The following TTC13 variants were observed in gnomAD, a reference collection of about 807,000 sequenced individuals.
TTC13 encodes the protein tetratricopeptide repeat domain 13.
A neutral mutation model predicts 120.0 loss-of-function variants in TTC13; 62 were observed. The ratio of observed to expected loss-of-function variants is 0.52; its 90% CI spans 0.42 to 0.64. The LOEUF is 0.64. Among genes scored for constraint, TTC13 ranks in the 30% least tolerant of loss-of-function variants. TTC13 has a pLI of 0.00. For missense variants in TTC13, 824 were observed against 1,050.2 expected, an observed-to-expected ratio of 0.78 and a Z score of 2.98; for synonymous variants, 384 against 393.5, an observed-to-expected ratio of 0.98 and a Z score of 0.28.
chr1:230,923,952 T>C lies in TTC13; in HGVS notation c.1722-19A>G, dbSNP rs781215199. The C allele has an allele frequency of 1.9e-6, 3 of 1,595,740 alleles. No homozygotes were observed. Among genetic ancestry groups the C allele is most frequent in the East Asian group, 2.2e-5 (1 of 44,684 alleles). The stretch of plus-strand genomic sequence containing the variant: ...AGCAATCCTATAAAACAGAGACCTT[T>C]ATAAAACCAGAAGTGTTCAGAAGCA... On this transcript the variant is annotated intron_variant, in intron 14 of 22. Transcript: ENST00000366661.
At chr1:230,921,312 G>T in intron 16 of TTC13, 109 bp downstream of exon 16, 1 of 624,302 alleles carries the variant, frequency 1.6e-6, no homozygotes, top group South Asian at 2.0e-5. Context: ...AAATTTGATA[G>T]ACCTTGTTTA....
At chr1:230,964,319 C>T (rs1676926506) in intron 1 of TTC13, among the ~76,000 whole-genome samples, 1 of 152,146 alleles carries the variant, frequency 6.6e-6, no homozygotes, top group East Asian at 1.9e-4. Flanking sequence ...AAAGGGTGTG[C>T]ACAAGTTTAA....
intron 8 of TTC13, among the ~76,000 whole-genome samples, chr1:230,935,091 G>C (rs1378787226): frequency 2.0e-5 from 3 of 152,230 alleles, no homozygotes; most frequent in African/African-American, 7.2e-5. Context: ...GTTGGGTAGA[G>C]AGATGAGAAT....
At chr1:230,916,569 G>A (rs1202079762) in intron 17 of TTC13, among the ~76,000 whole-genome samples, 3 of 152,098 alleles carry the variant, frequency 2.0e-5, no homozygotes, top group Non-Finnish European at 4.4e-5. Flanking sequence ...CGTCAACAAG[G>A]GGCACTGCTC....
At chr1:230,926,420 T>C (rs1332555058) in intron 12 of TTC13, among the ~76,000 whole-genome samples, 1 of 152,106 alleles carries the variant, frequency 6.6e-6, no homozygotes, top group Non-Finnish European at 1.5e-5. Context: ...CATTAAAGAC[T>C]CAGTGGCCAG....
chr1:230,943,962 C>A, intron 5 of TTC13, 64 bp from the exon 6 acceptor site: 2 of 1,110,412 alleles, frequency 1.8e-6, no homozygotes, highest in South Asian at 3.0e-5. Flanking sequence ...AAAAAATTTT[C>A]TGAGAAAACT....
At chr1:230,936,270 A>G (rs1228027254) in intron 8 of TTC13, 2 of 456,100 alleles carry the variant, frequency 4.4e-6, no homozygotes, top group East Asian at 6.9e-5. Context: ...TCATTCTGCC[A>G]AAGAGGGGAC....
chr1:230,975,808 G>T (rs1437505868), intron 1 of TTC13, among the ~76,000 whole-genome samples: 1 of 152,142 alleles, frequency 6.6e-6, no homozygotes, highest in African/African-American at 2.4e-5. Context: ...TTCTGCAGTA[G>T]ATCTGGGTGG....
intron 1 of TTC13, among the ~76,000 whole-genome samples, chr1:230,974,019 G>T (rs1678016303): frequency 6.6e-6 from 1 of 151,430 alleles, no homozygotes; most frequent in African/African-American, 2.4e-5. Flanking sequence ...AGAGGTTGCA[G>T]TGAGCCGAGA....
intron 18 of TTC13, 50 bp downstream of exon 18, chr1:230,916,143 C>T (rs1298696000): frequency 7.5e-7 from 1 of 1,337,004 alleles, no homozygotes; most frequent in Non-Finnish European, 1.1e-6. Context: ...AGCACAGGCA[C>T]CCTTCCTGCC....
At chr1:230,932,586 A>T (rs926043751) in intron 9 of TTC13, among the ~76,000 whole-genome samples, 1 of 152,232 alleles carries the variant, frequency 6.6e-6, no homozygotes. Flanking sequence ...TTTTAAAAAT[A>T]TAATTCCTGC....
At chr1:230,960,877 T>C (rs567273017) in intron 2 of TTC13, among the ~76,000 whole-genome samples, 5 of 152,284 alleles carry the variant, frequency 3.3e-5, no homozygotes, top group South Asian at 2.1e-4. Flanking sequence ...ATAGAAAACA[T>C]AGATACAAAA....
intron 22 of TTC13, 49 bp downstream of exon 22, chr1:230,908,663 T>C: frequency 6.6e-7 from 1 of 1,507,508 alleles, no homozygotes; most frequent in South Asian, 1.2e-5. Flanking sequence ...AAACTCCTTT[T>C]CCTCCTCCAG....
At chr1:230,962,987 T>C (rs896391414) in intron 1 of TTC13, among the ~76,000 whole-genome samples, 6 of 152,192 alleles carry the variant, frequency 3.9e-5, no homozygotes, top group African/African-American at 1.4e-4. Flanking sequence ...TTTTGGAGTG[T>C]TGAAAACAAC....
intron 4 of TTC13, among the ~76,000 whole-genome samples, chr1:230,951,662 A>G (rs1245374640): frequency 6.6e-6 from 1 of 152,210 alleles, no homozygotes; most frequent in Non-Finnish European, 1.5e-5. Flanking sequence ...ATGCTGAAAT[A>G]CTGGATATGA....
intron 12 of TTC13, among the ~76,000 whole-genome samples, chr1:230,926,984 GA>G (rs1031476825): frequency 5.3e-5 from 8 of 152,120 alleles, no homozygotes; most frequent in African/African-American, 1.7e-4. Context: ...AGCTTTGGGA[GA>G]AAAAAATATG....
chr1:230,929,056 G>C lies in TTC13; in HGVS notation c.1338C>G (p.Pro446=), dbSNP rs746753713. 3.1e-6 allele frequency: 5 copies of C among 1,614,002 alleles called. No individual in the cohort carries two copies. The highest frequency in any genetic ancestry group is 1.3e-5 in the African/African-American group (1 of 74,898). Residue 446 remains proline (P), a synonymous_variant, in exon 12 of 23, where the codon CCC becomes CCG. Transcript: ENST00000366661. ...SRYLHAHLDT[P]LTEYNIDVDL... is the part of the protein sequence containing the mutation. The stretch of plus-strand genomic sequence containing the variant: ...CCACATCAATGTTATATTCCGTAAG[G>C]GGGGTATCAAGGTGTGCATGAAGAT...
chr1:230,954,323 G>A lies in TTC13; in HGVS notation c.513+10C>T. 1 of 1,606,642 alleles carries A rather than the reference G, an allele frequency of 6.2e-7. No individual in the cohort carries two copies. Among genetic ancestry groups the A allele is most frequent in the East Asian group, 2.2e-5 (1 of 44,750 alleles). ...AAACTCAAAATTACATAAATAAGAA[G>A]AAAATTTACCTGAAGCATTGTTGAA... is the stretch of plus-strand genomic sequence containing the variant. On this transcript the variant is annotated intron_variant, in intron 4 of 22. Transcript: ENST00000366661.
Position 230,925,631 on chromosome 1 carries a change from T to G in TTC13, c.1474A>C (p.Asn492His). The G allele has an allele frequency of 6.2e-7, 1 of 1,614,038 alleles. No individual in the cohort carries two copies. ...QPHIKDVLHQ[N>H]FESYKPEVQE... ...ACTTCAGGCTTATAACTCTCAAAAT[T>G]CTGATGTAACACATCTCTGGAAGAA... The change falls in exon 13 of 23, where the codon AAT becomes CAT. Residue 492 changes from asparagine (N) to histidine (H), a missense_variant. This residue lies in a region of TTC13 where 430 missense variants were observed against 626.8 expected (regional missense o/e 0.69). Coordinates refer to ENST00000366661, the MANE Select transcript of TTC13 (RefSeq NM_024525.5).
Sources: gnomAD v4.1 joint callset for allele counts (sites outside exome capture counted in the v4.1 genomes callset) on GRCh38, gnomAD v4.1.1 for gene constraint, gnomAD v4.1.1 regional missense constraint, MANE v1.5 for transcripts, NCBI Gene and HGNC (gene_info 2026-07-23, HGNC 2026-07-21) for gene names.